CCSER1: variants seen among roughly 807,000 people sequenced by gnomAD.
CCSER1 encodes coiled-coil serine rich protein 1, also known as serine-rich coiled-coil domain-containing protein 1.
CCSER1 carries 41 observed loss-of-function variants against 82.0 expected under a neutral mutation model. The ratio of observed to expected loss-of-function variants is 0.50; its 90% confidence interval spans 0.39 to 0.65. The LOEUF (loss-of-function observed/expected upper bound fraction) is 0.65, where lower values mean the gene tolerates loss of function less well. CCSER1 is among the 30% of genes least tolerant of loss of function. CCSER1 has a pLI of 0.00. For synonymous variants in CCSER1, 414 were observed against 383.9 expected (o/e 1.08, Z -0.92); for missense variants, 1,119 against 1,064.2 (o/e 1.05, Z -0.72).
chr4:91,037,630 C>T (rs1461603), intron 9 of CCSER1, among the ~76,000 whole-genome samples: 2,332 of 152,108 alleles, frequency 0.015, 70 homozygotes, highest in African/African-American at 0.053. Context: ...CTTATTTTAA[C>T]CTATTTCAAC....
intron 8 of CCSER1, among the ~76,000 whole-genome samples, chr4:90,845,036 T>G (rs943722715): frequency 2.0e-5 from 3 of 152,156 alleles, no homozygotes; most frequent in African/African-American, 7.2e-5. Context: ...TGTGGACTTT[T>G]GAGACAATAT....
intron 10 of CCSER1, among the ~76,000 whole-genome samples, chr4:91,218,195 G>A (rs933508085): frequency 2.6e-5 from 4 of 152,226 alleles, no homozygotes; most frequent in African/African-American, 9.6e-5. Flanking sequence ...GTACACCCTT[G>A]GCAGCCACTG....
At chr4:90,427,660 C>T (rs1008782043) in intron 4 of CCSER1, among the ~76,000 whole-genome samples, 6 of 151,630 alleles carry the variant, frequency 4.0e-5, no homozygotes, top group African/African-American at 1.2e-4. Flanking sequence ...TTTATGCAAG[C>T]GTATTTCTTT....
intron 8 of CCSER1, among the ~76,000 whole-genome samples, chr4:90,877,328 G>A (rs988495994): frequency 3.3e-5 from 5 of 151,998 alleles, no homozygotes; most frequent in East Asian, 1.9e-4. Flanking sequence ...TTTTGGAGTC[G>A]ATTTGAATAA....
chr4:90,918,964 T>G (rs1348214920), intron 8 of CCSER1, among the ~76,000 whole-genome samples: 2 of 151,870 alleles, frequency 1.3e-5, no homozygotes, highest in East Asian at 3.9e-4. Flanking sequence ...CTTTATCATT[T>G]TATTCCAAAC....
intron 1 of CCSER1, among the ~76,000 whole-genome samples, chr4:90,217,441 G>A (rs904057240): frequency 6.6e-5 from 10 of 152,092 alleles, no homozygotes; most frequent in Middle Eastern, 3.4e-3. Context: ...CTTGTATTCC[G>A]CCCGCCTCGG....
chr4:90,423,439 T>C (rs1235806460), intron 4 of CCSER1, among the ~76,000 whole-genome samples: 1 of 152,028 alleles, frequency 6.6e-6, no homozygotes, highest in Non-Finnish European at 1.5e-5. Flanking sequence ...TTGGCCAGGA[T>C]GGTCTCAATC....
chr4:91,544,633 G>A (rs1357268061), intron 10 of CCSER1, among the ~76,000 whole-genome samples: 1 of 152,186 alleles, frequency 6.6e-6, no homozygotes, highest in African/African-American at 2.4e-5. Flanking sequence ...AGCAAATATT[G>A]TAGAAAGGCA....
intron 3 of CCSER1, among the ~76,000 whole-genome samples, chr4:90,332,779 A>G (rs938068962): frequency 7.2e-5 from 11 of 152,128 alleles, no homozygotes; most frequent in African/African-American, 2.7e-4. Context: ...TGTATTTTCT[A>G]AGAAGAAGGA....
chr4:90,490,650 T>A (rs529758917), intron 5 of CCSER1, among the ~76,000 whole-genome samples: 1 of 152,356 alleles, frequency 6.6e-6, no homozygotes, highest in East Asian at 1.9e-4. Flanking sequence ...ATTTTATGGT[T>A]TTATGTCTAA....
At chr4:91,362,259 A>T (rs1749300360) in intron 10 of CCSER1, among the ~76,000 whole-genome samples, 1 of 151,872 alleles carries the variant, frequency 6.6e-6, no homozygotes, top group African/African-American at 2.4e-5. Flanking sequence ...TAGATATTTT[A>T]GCTGAGCCTG....
At chr4:91,450,127 A>G (rs1196693196) in intron 10 of CCSER1, among the ~76,000 whole-genome samples, 1 of 151,768 alleles carries the variant, frequency 6.6e-6, no homozygotes, top group East Asian at 1.9e-4. Flanking sequence ...TTGTTTTTAT[A>G]CAGGATGGGT....
intron 1 of CCSER1, among the ~76,000 whole-genome samples, chr4:90,265,569 G>A (rs72877796): frequency 0.046 from 6,989 of 151,760 alleles, 416 homozygotes; most frequent in African/African-American, 0.14. Flanking sequence ...AATGAAATAA[G>A]CTATCAAAAA....
intron 9 of CCSER1, among the ~76,000 whole-genome samples, chr4:91,000,229 A>AGTATAGTATAG (rs1737904462): frequency 9.6e-5 from 1 of 10,412 alleles, no homozygotes; most frequent in Non-Finnish European, 3.3e-4. Flanking sequence ...GGTATAGTAT[A>AGTATAGTATAG]GTATAGTATA....
intron 7 of CCSER1, among the ~76,000 whole-genome samples, chr4:90,766,585 A>C (rs989642602): frequency 5.3e-5 from 8 of 152,154 alleles, no homozygotes; most frequent in Non-Finnish European, 1.2e-4. Flanking sequence ...TCCAGGCTGC[A>C]GTGAGCTATG....
intron 1 of CCSER1, among the ~76,000 whole-genome samples, chr4:90,268,806 A>G (rs1269430937): frequency 6.6e-6 from 1 of 152,140 alleles, no homozygotes; most frequent in Admixed American, 6.5e-5. Flanking sequence ...CAAGAAATGT[A>G]CTTCACCTAT....
At chr4:90,638,515 A>C (rs1196698218) in intron 6 of CCSER1, among the ~76,000 whole-genome samples, 1 of 152,138 alleles carries the variant, frequency 6.6e-6, no homozygotes, top group Non-Finnish European at 1.5e-5. Context: ...ACATAGGTTA[A>C]AAAAATTTAC....
chr4:90,401,320 A>G (rs563773633), intron 4 of CCSER1, among the ~76,000 whole-genome samples: 1 of 152,306 alleles, frequency 6.6e-6, no homozygotes, highest in South Asian at 2.1e-4. Flanking sequence ...TAACTTCTAG[A>G]TATCTAATTC....
At chr4:90,917,604 T>C (rs1727686661) in intron 8 of CCSER1, among the ~76,000 whole-genome samples, 1 of 152,114 alleles carries the variant, frequency 6.6e-6, no homozygotes, top group Admixed American at 6.6e-5. Context: ...GTGGCACATG[T>C]ATACATATGT....
Sources: allele counts gnomAD v4.1 joint callset (sites outside exome capture counted in the v4.1 genomes callset), GRCh38; gene constraint gnomAD v4.1.1; transcripts MANE v1.5; gene names NCBI Gene and HGNC (gene_info 2026-07-23, HGNC 2026-07-21).